Variants in ABCB9 observed in about 807,000 individuals in gnomAD.
ABCB9 encodes the protein ATP binding cassette subfamily B member 9.
In ABCB9, 36 loss-of-function variants were observed where a neutral mutation model predicts 62.0. The observed-to-expected ratio is 0.58, with a 90% confidence interval of 0.45 to 0.77. The LOEUF is 0.77. Ranked by LOEUF, ABCB9 falls within the 30% of genes least tolerant of loss-of-function variation. ABCB9 has a pLI of 0.00. For missense variants in ABCB9, 943 were observed against 1,054.7 expected (o/e 0.89, Z 1.47); for synonymous variants, 435 against 461.4 (o/e 0.94, Z 0.73).
chr12:122,938,096 T>C (rs2035552345), intron 9 of ABCB9, among the ~76,000 whole-genome samples: 1 of 152,226 alleles, frequency 6.6e-6, no homozygotes, highest in Non-Finnish European at 1.5e-5. Flanking sequence ...CAGTTGGGGA[T>C]GTACATCCAC....
chr12:122,962,654 C>T (rs2036968794), intron 1 of ABCB9, among the ~76,000 whole-genome samples: 1 of 152,168 alleles, frequency 6.6e-6, no homozygotes, highest in Admixed American at 6.5e-5. Context: ...AGTGTAGGAC[C>T]CCAGCATCTG....
At chr12:122,949,044 G>T (rs537164542) in intron 4 of ABCB9, 1 of 449,650 alleles carries the variant, frequency 2.2e-6, no homozygotes, top group Non-Finnish European at 3.9e-6. Flanking sequence ...ATGACATCCC[G>T]CTGTACAGCG....
chr12:122,942,334 T>A (rs1017330200), intron 7 of ABCB9, among the ~76,000 whole-genome samples: 2 of 151,702 alleles, frequency 1.3e-5, no homozygotes, highest in African/African-American at 4.8e-5. Context: ...ACACCTGTAA[T>A]CCCAGCACTT....
rs2035254775 is a variant in ABCB9, at chr12:122,932,791, CACA to C, written c.1904-466_1904-464del. On this transcript the variant is annotated intron_variant, in intron 10 of 11. Transcript: ENST00000280560. The surrounding 1 kb of genome is among the most constrained non-coding windows in gnomAD (Gnocchi z 4.7). ...CCCCATGGACCGACTTCCTCCCATG[CACA>C]ACAATATAGACACAGGTCACCTGTG... Among the ~76,000 whole-genome samples, 1 of 152,210 alleles carries C rather than the reference CACA, an allele frequency of 6.6e-6. No homozygotes were observed. Among genetic ancestry groups the C allele is most frequent in the African/African-American group, 2.4e-5 (1 of 41,460 alleles).
In ABCB9 at chr12:122,932,383, G is replaced by A. The variant is rs777849739; in HGVS notation, c.1904-55C>T. 38 of 1,511,216 alleles carry A rather than the reference G, an allele frequency of 2.5e-5. No homozygotes were observed. Among genetic ancestry groups the A allele is most frequent in the African/African-American group, 4.1e-5 (3 of 72,406 alleles). The allele number at this position is 1,511,216 out of a possible 1,614,324, so 93.6% of individuals were successfully genotyped here. On this transcript the variant is annotated intron_variant, in intron 10 of 11. Coordinates refer to ENST00000280560, the MANE Select transcript of ABCB9 (RefSeq NM_019625.4). The surrounding 1 kb of genome is among the most constrained non-coding windows in gnomAD (Gnocchi z 4.7). ...GCAATGGGTGAGGCCGGGCAGCACC[G>A]GGGAAGAGTGAGAGGCCCTGCCCTG... is the stretch of plus-strand genomic sequence containing the variant.
intron 2 of ABCB9, among the ~76,000 whole-genome samples, chr12:122,956,308 A>G (rs2036609927): frequency 6.6e-6 from 1 of 152,292 alleles, no homozygotes; most frequent in African/African-American, 2.4e-5. Context: ...AGAGGAGGCT[A>G]AGACTTAGAG....
At chr12:122,938,969 C>T (rs560331339) in intron 9 of ABCB9, among the ~76,000 whole-genome samples, 2 of 152,126 alleles carry the variant, frequency 1.3e-5, no homozygotes, top group African/African-American at 2.4e-5. Context: ...GTCAAGGGTT[C>T]GAGACCAGCC....
At chr12:122,923,155 T>C (rs2034791971) in intron 11 of ABCB9, among the ~76,000 whole-genome samples, 1 of 152,074 alleles carries the variant, frequency 6.6e-6, no homozygotes, top group African/African-American at 2.4e-5. Context: ...CAGGCTGGAG[T>C]GCAGTGGCGC....
At chr12:122,953,216 T>C (rs1012905901) in intron 2 of ABCB9, 2 of 136,586 alleles carry the variant, frequency 1.5e-5, no homozygotes, top group African/African-American at 5.1e-5. Context: ...ACCACATACA[T>C]TTTTTTTTTT....
chr12:122,929,342 C>T lies in ABCB9; in HGVS notation c.*569G>A, dbSNP rs1372972297. 1 of 985,914 alleles carries T rather than the reference C, an allele frequency of 1.0e-6. No individual in the cohort carries two copies. Among genetic ancestry groups the T allele is most frequent in the Non-Finnish European group, 1.2e-6 (1 of 830,070 alleles). 61.1% of individuals were successfully genotyped at this position (985,914 alleles called of 1,614,324 possible). A position where few individuals can be genotyped will look rare whatever the true frequency, so the allele number is the denominator to read the frequency against. On this transcript the variant is annotated 3_prime_UTR_variant, in exon 12 of 12. Transcript: ENST00000280560. This position sits in a 1 kb window ranked among gnomAD's most constrained non-coding sequence, Gnocchi z 6.0. ...CAGCGGGCGATGGCAGACAGATGCC[C>T]TCCACGCTCCCTACCCGCCCTGGCC...
intron 5 of ABCB9, chr12:122,948,153 G>C (rs925691064): frequency 6.6e-6 from 1 of 152,628 alleles, no homozygotes; most frequent in Non-Finnish European, 1.5e-5. Flanking sequence ...GTCCAATCTT[G>C]TCTCGAACTC....
intron 11 of ABCB9, chr12:122,931,781 TTATAGGCATGTGCTACC>T (rs1257538694): frequency 1.0e-5 from 2 of 197,716 alleles, no homozygotes; most frequent in East Asian, 2.9e-4. Context: ...GTAGCTGGGA[TTATAGGCATGTGCTACC>T]ACACCTGGCT....
chr12:122,947,004 T>C lies in ABCB9; in HGVS notation c.1054-782A>G, dbSNP rs1044027904. The stretch of plus-strand genomic sequence containing the variant: ...CCCCAGCCGCAGGAAGCATGCAGGG[T>C]GCCTGAGTCATGTTTGGCCATGGGC... On this transcript the variant is annotated intron_variant, in intron 5 of 11. Coordinates refer to ENST00000280560, the MANE Select transcript of ABCB9 (RefSeq NM_019625.4). The surrounding 1 kb of genome is among the most constrained non-coding windows in gnomAD (Gnocchi z 6.0). Among the ~76,000 whole-genome samples the C allele has an allele frequency of 6.6e-6, 1 of 152,208 alleles. No homozygotes were observed. Among genetic ancestry groups the C allele is most frequent in the Non-Finnish European group, 1.5e-5 (1 of 68,036 alleles).
chr12:122,943,190 G>A (rs1056616310), intron 7 of ABCB9, among the ~76,000 whole-genome samples: 1 of 152,122 alleles, frequency 6.6e-6, no homozygotes, highest in African/African-American at 2.4e-5. Flanking sequence ...CTCTGGTGCT[G>A]GTGTCCTACC....
Position 122,932,079 on chromosome 12 carries a change from C to A in ABCB9, c.2040+113G>T, listed in dbSNP as rs4148867. The A allele has an allele frequency of 2.6e-5, 39 of 1,525,088 alleles. No individual in the cohort carries two copies. In the East Asian group the frequency reaches 8.8e-4, roughly 34 times the overall value. 94.5% of individuals were successfully genotyped at this position (1,525,088 alleles called of 1,614,324 possible). A position where few individuals can be genotyped will look rare whatever the true frequency, so the allele number is the denominator to read the frequency against. On this transcript the variant is annotated intron_variant, in intron 11 of 11. Coordinates refer to ENST00000280560, the MANE Select transcript of ABCB9 (RefSeq NM_019625.4). This position sits in a 1 kb window ranked among gnomAD's most constrained non-coding sequence, Gnocchi z 4.7. ...TTCACCAGCCCAGGAGGCTGATAGT[C>A]TGGGAGAGCTCCTGGGGCCCGTCTC...
chr12:122,963,637 C>T (rs759615607), intron 1 of ABCB9, among the ~76,000 whole-genome samples: 1 of 152,098 alleles, frequency 6.6e-6, no homozygotes, highest in African/African-American at 2.4e-5. Flanking sequence ...TAGCTCCAAC[C>T]CTTCAAAACA....
rs953557529 is a variant in ABCB9 at position 122,966,271 on chromosome 12, G to A, written c.-88+16C>T. 1.3e-5 allele frequency: 2 copies of A among 152,394 alleles called. No homozygotes were observed. The highest frequency in any genetic ancestry group is 4.8e-5 in the African/African-American group (2 of 41,442). 9.4% of individuals were successfully genotyped at this position (152,394 alleles called of 1,614,324 possible). The stretch of plus-strand genomic sequence containing the variant: ...AAAGGTCCCAAAACCAGGGGTCTAG[G>A]GTGCCTTGCCCTTACCTGTTACCTG... On this transcript the variant is annotated intron_variant, in intron 1 of 11. Transcript: ENST00000280560.
downstream of ABCB9, among the ~76,000 whole-genome samples, chr12:122,920,235 A>G (rs2034715334): frequency 6.6e-6 from 1 of 152,176 alleles, no homozygotes; most frequent in Non-Finnish European, 1.5e-5. Context: ...AATAAAAACC[A>G]GGAAAGAGAA....
In ABCB9 at chr12:122,972,037, C is replaced by CTTT. The variant is rs57112984; in HGVS notation, c.-88+2675_-88+2677dup. ...TTCATAGCAGCTTCATTCATAATGT[C>CTTT]TTTTTTTTTTTTTTTTTTTTTTGTT... On this transcript the variant is annotated intron_variant, in intron 1 of 11. Coordinates refer to the ABCB9 transcript ENST00000392439. 2.4e-3 allele frequency among the ~76,000 whole-genome samples: 234 copies of CTTT among 99,296 alleles called. 4 individuals carry two copies. Among genetic ancestry groups the CTTT allele is most frequent in the African/African-American group, 3.9e-3 (96 of 24,506 alleles). The allele number at this position is 99,296 out of a possible 152,430, so 65.1% of individuals were successfully genotyped here. A position where few individuals can be genotyped will look rare whatever the true frequency, so the allele number is the denominator to read the frequency against.
Sources: gnomAD v4.1 joint callset for allele counts (sites outside exome capture counted in the v4.1 genomes callset) on GRCh38, gnomAD v4.1.1 for gene constraint, Gnocchi (gnomAD v3.1) non-coding constraint, MANE v1.5 for transcripts, NCBI Gene and HGNC (gene_info 2026-07-23, HGNC 2026-07-21) for gene names.